Variants in C9orf85 observed in about 807,000 individuals in gnomAD.
The protein encoded by C9orf85 is chromosome 9 open reading frame 85, also known as uncharacterized protein C9orf85.
C9orf85 carries 16 observed loss-of-function variants against 14.9 expected under a neutral mutation model. The observed-to-expected ratio is 1.08, with a 90% CI of 0.73 to 1.63. The LOEUF (loss-of-function observed/expected upper bound fraction) is 1.63. C9orf85 is among the 40% of genes most tolerant of loss of function. C9orf85 has a pLI of 0.00. For missense variants in C9orf85, 172 were observed against 186.1 expected (o/e 0.92, Z 0.44); for synonymous variants, 45 against 56.8 (o/e 0.79, Z 0.93).
At chr9:71,972,272 T>A (rs1564102055) in intron 3 of C9orf85, among the ~76,000 whole-genome samples, 1 of 152,168 alleles carries the variant, frequency 6.6e-6, no homozygotes, top group Non-Finnish European at 1.5e-5. Flanking sequence ...TGATTTTTTT[T>A]TTTTGAGAAG....
chr9:71,920,413 T>C (rs1250094751), intron 1 of C9orf85, among the ~76,000 whole-genome samples: 1 of 152,250 alleles, frequency 6.6e-6, no homozygotes, highest in Non-Finnish European at 1.5e-5. Context: ...CAGACTATTC[T>C]GCAAATTCTT....
At chr9:71,976,132 T>C (rs1012876037), downstream of C9orf85, among the ~76,000 whole-genome samples, 2 of 152,210 alleles carry the variant, frequency 1.3e-5, no homozygotes, top group Non-Finnish European at 2.9e-5. Flanking sequence ...TCTACATATA[T>C]TTTTAGGAAT....
intron 2 of C9orf85, among the ~76,000 whole-genome samples, chr9:71,963,312 G>A (rs1589268416): frequency 6.6e-6 from 1 of 152,258 alleles, no homozygotes; most frequent in Non-Finnish European, 1.5e-5. Flanking sequence ...CCAAGATGGT[G>A]GCAGGCCACT....
At chr9:71,912,606 G>A (rs915380057) in intron 1 of C9orf85, among the ~76,000 whole-genome samples, 1 of 151,930 alleles carries the variant, frequency 6.6e-6, no homozygotes, top group African/African-American at 2.4e-5. Flanking sequence ...AATTAGCCGG[G>A]CGTGGTGGCG....
intron 1 of C9orf85, among the ~76,000 whole-genome samples, chr9:71,922,911 C>T (rs1479939642): frequency 6.6e-6 from 1 of 152,170 alleles, no homozygotes. Flanking sequence ...GGGCAGATTA[C>T]AAGGTCAGGA....
At chr9:71,925,604 C>G (rs1475547821) in intron 1 of C9orf85, among the ~76,000 whole-genome samples, 2 of 152,092 alleles carry the variant, frequency 1.3e-5, no homozygotes, top group Non-Finnish European at 2.9e-5. Context: ...CAATCAGACT[C>G]TCTTGGGAAA....
chr9:71,975,866 T>G (rs1252439683), downstream of C9orf85, among the ~76,000 whole-genome samples: 2 of 152,228 alleles, frequency 1.3e-5, no homozygotes, highest in East Asian at 3.9e-4. Context: ...TAAATTTGTG[T>G]GGCTTTCCTT....
At chr9:71,912,730 C>G (rs930716602) in intron 1 of C9orf85, among the ~76,000 whole-genome samples, 20 of 152,060 alleles carry the variant, frequency 1.3e-4, no homozygotes, top group African/African-American at 4.8e-4. Context: ...GCTAAAAATA[C>G]AAAAATTAGC....
chr9:71,911,878 A>G (rs1211996187), intron 1 of C9orf85, 42 bp downstream of exon 1: 2 of 1,550,674 alleles, frequency 1.3e-6, no homozygotes, highest in Admixed American at 1.7e-5. Context: ...TCCAGGAAGG[A>G]ATGGCTCACT....
chr9:71,978,844 G>A (rs1483857709), intron 3 of C9orf85, among the ~76,000 whole-genome samples: 1 of 152,128 alleles, frequency 6.6e-6, no homozygotes, highest in Non-Finnish European at 1.5e-5. Flanking sequence ...GACCTTCCTG[G>A]CCAACATGGT....
chr9:71,973,568 T>G (rs1200742046), downstream of C9orf85: 1 of 152,150 alleles, frequency 6.6e-6, no homozygotes, highest in Admixed American at 6.5e-5. Context: ...TTTCATCACA[T>G]TTTAACTTTT....
chr9:71,931,976 C>T lies in C9orf85; in HGVS notation c.103-15030C>T, dbSNP rs74896831. The stretch of plus-strand genomic sequence containing the variant: ...GTGTGCTTAAGGATCATCTGGAAAG[C>T]TTGTTTAAAATGCAGAATCCCAGGT... On this transcript the variant is annotated intron_variant, in intron 1 of 3. Coordinates refer to ENST00000334731, the MANE Select transcript of C9orf85 (RefSeq NM_182505.5). Among the ~76,000 whole-genome samples the T allele has an allele frequency of 5.7e-3, 872 of 152,216 alleles. 9 individuals are homozygous for T. The highest frequency in any genetic ancestry group is 0.02 in the African/African-American group (819 of 41,532).
intron 3 of C9orf85, 96 bp from the exon 4 acceptor site, chr9:71,972,596 T>C (rs1441056479): frequency 2.3e-6 from 2 of 872,866 alleles, no homozygotes; most frequent in East Asian, 2.8e-5. Context: ...TAGGTTTCTG[T>C]TATTCAAGAA....
downstream of C9orf85, chr9:71,983,806 G>A (rs1227297101): frequency 6.6e-6 from 1 of 152,176 alleles, no homozygotes; most frequent in Admixed American, 6.5e-5. Context: ...ACGTGACAGG[G>A]GAGGTAAGGG....
chr9:71,934,181 T>A (rs1192605060), intron 1 of C9orf85, among the ~76,000 whole-genome samples: 1 of 52,288 alleles, frequency 1.9e-5, no homozygotes, highest in Admixed American at 2.9e-4. Flanking sequence ...CTGACTCTAC[T>A]AAAAATACAA....
chr9:71,929,144 G>T (rs1276633212), intron 1 of C9orf85, among the ~76,000 whole-genome samples: 1 of 152,138 alleles, frequency 6.6e-6, no homozygotes, highest in Non-Finnish European at 1.5e-5. Context: ...CCAAGTAAAT[G>T]ACTTACGAAG....
intron 2 of C9orf85, among the ~76,000 whole-genome samples, chr9:71,967,755 A>G (rs913375999): frequency 5.6e-5 from 7 of 125,598 alleles, no homozygotes; most frequent in African/African-American, 2.3e-4. Flanking sequence ...TGCACTGCCT[A>G]GGACCTCCAA....
At chr9:71,942,993 G>C (rs867378145) in intron 1 of C9orf85, among the ~76,000 whole-genome samples, 11 of 151,866 alleles carry the variant, frequency 7.2e-5, no homozygotes, top group Middle Eastern at 3.4e-3. Context: ...CAAATCCAGG[G>C]ATCTTTTATC....
chr9:71,957,537 A>G (rs1004024437), intron 2 of C9orf85, among the ~76,000 whole-genome samples: 1 of 152,200 alleles, frequency 6.6e-6, no homozygotes, highest in Admixed American at 6.5e-5. Flanking sequence ...TTAAAACTTC[A>G]TTGTTAGCCT....
Sources: allele counts gnomAD v4.1 joint callset (sites outside exome capture counted in the v4.1 genomes callset), GRCh38; gene constraint gnomAD v4.1.1; transcripts MANE v1.5; gene names NCBI Gene and HGNC (gene_info 2026-07-23, HGNC 2026-07-21).